The following WARS2 variants were observed in gnomAD, a reference collection of about 807,000 sequenced individuals.
WARS2 encodes the protein tryptophan--tRNA ligase, mitochondrial.
In WARS2, 28 loss-of-function variants were observed where a neutral mutation model predicts 36.5. The ratio of observed to expected loss-of-function variants is 0.77; its 90% CI spans 0.57 to 1.05. WARS2 has a LOEUF of 1.05. Ranked by LOEUF, WARS2 falls within the 50% of genes least tolerant of loss-of-function variation. The pLI, the probability that WARS2 is intolerant of heterozygous loss-of-function variation, is 0.00. For synonymous variants in WARS2, 174 were observed against 178.4 expected, an observed-to-expected ratio of 0.98 and a Z score of 0.20; for missense variants, 435 against 456.8, an observed-to-expected ratio of 0.95 and a Z score of 0.44.
At chr1:119,064,799 T>C (rs1433703919) in intron 2 of WARS2, 1 of 152,486 alleles carries the variant, frequency 6.6e-6, no homozygotes, top group East Asian at 1.9e-4. Context: ...CTCGGGTATA[T>C]CTTTAACAGC....
At chr1:119,089,274 T>G (rs1652880080) in intron 1 of WARS2, among the ~76,000 whole-genome samples, 1 of 152,186 alleles carries the variant, frequency 6.6e-6, no homozygotes, top group Non-Finnish European at 1.5e-5. Context: ...GCTCCCTTTC[T>G]CATCCAACCT....
chr1:119,043,927 T>C (rs1648578235), intron 3 of WARS2, among the ~76,000 whole-genome samples: 1 of 152,216 alleles, frequency 6.6e-6, no homozygotes, highest in African/African-American at 2.4e-5. Flanking sequence ...ATTCCACCTT[T>C]TGCTGTCCCA....
chr1:119,100,726 T>C (rs1653794266), intron 1 of WARS2, among the ~76,000 whole-genome samples: 1 of 152,210 alleles, frequency 6.6e-6, no homozygotes, highest in South Asian at 2.1e-4. Flanking sequence ...AGTGGCCTGA[T>C]CTCGGCTCAC....
At chr1:119,082,319 C>T (rs1188202685) in intron 1 of WARS2, 6 of 985,288 alleles carry the variant, frequency 6.1e-6, no homozygotes, top group African/African-American at 1.7e-5. Flanking sequence ...CATCTATTTT[C>T]CTTACACGTG....
chr1:119,125,799 G>A (rs900967046), intron 1 of WARS2, among the ~76,000 whole-genome samples: 9 of 152,164 alleles, frequency 5.9e-5, no homozygotes, highest in African/African-American at 2.2e-4. Flanking sequence ...GTCAAATTCT[G>A]TTCTCCAAGA....
intron 1 of WARS2, among the ~76,000 whole-genome samples, chr1:119,117,400 T>A (rs1173251627): frequency 2.6e-5 from 4 of 152,160 alleles, no homozygotes; most frequent in Non-Finnish European, 5.9e-5. Flanking sequence ...GCCCTGCCCA[T>A]CACCTGAGAA....
intron 2 of WARS2, among the ~76,000 whole-genome samples, chr1:119,069,168 T>C (rs1651111136): frequency 6.6e-6 from 1 of 152,148 alleles, no homozygotes; most frequent in Non-Finnish European, 1.5e-5. Context: ...CCTTTATAAT[T>C]TAGCTGTAAG....
rs139048638 is a variant in WARS2, at chr1:119,081,275, G to A, written c.91-4668C>T. On this transcript the variant is annotated intron_variant, in intron 1 of 5. Transcript: ENST00000235521. The stretch of plus-strand genomic sequence containing the variant: ...GAAAATTCCCAAGTTATTAATTATG[G>A]CAAAAGAATTTTTGTGATTAGGAGA... Among the ~76,000 whole-genome samples the A allele has an allele frequency of 7.8e-3, 1,192 of 152,232 alleles. 13 individuals carry two copies. Among genetic ancestry groups the A allele is most frequent in the African/African-American group, 0.027 (1,134 of 41,528 alleles).
chr1:119,052,742 C>T (rs1649469243), intron 2 of WARS2, among the ~76,000 whole-genome samples: 1 of 152,114 alleles, frequency 6.6e-6, no homozygotes, highest in South Asian at 2.1e-4. Flanking sequence ...AACAGACAGC[C>T]CCCAAATTTA....
rs1647414715 is a variant in WARS2, at chr1:119,031,384, C to T, written c.*1527G>A. 1 of 152,150 alleles carries T rather than the reference C, an allele frequency of 6.6e-6. No individual in the cohort carries two copies. The highest frequency in any genetic ancestry group is 6.5e-5 in the Admixed American group (1 of 15,274). The allele number at this position is 152,150 out of a possible 1,614,324, so 9.4% of individuals were successfully genotyped here. On this transcript the variant is annotated 3_prime_UTR_variant, in exon 6 of 6. Transcript: ENST00000235521. Reference sequence around the variant, plus strand: ...TAAGATACAAAAGGCAAAATGTTTCCTTTACCCATGATCCAGGCTAGCTCC... The same window carrying T: ...TAAGATACAAAAGGCAAAATGTTTCTTTTACCCATGATCCAGGCTAGCTCC...
At chr1:119,122,260 G>A (rs1468934660) in intron 1 of WARS2, among the ~76,000 whole-genome samples, 1 of 152,110 alleles carries the variant, frequency 6.6e-6, no homozygotes, top group Non-Finnish European at 1.5e-5. Context: ...CTCAAAAGAA[G>A]ATATACAAAC....
chr1:119,110,006 C>T (rs1654520177), intron 1 of WARS2, among the ~76,000 whole-genome samples: 2 of 151,854 alleles, frequency 1.3e-5, no homozygotes, highest in African/African-American at 4.8e-5. Flanking sequence ...GTACAAATAC[C>T]TAGTAATAAC....
At chr1:119,039,407 A>G (rs960340031) in intron 4 of WARS2, among the ~76,000 whole-genome samples, 6 of 152,158 alleles carry the variant, frequency 3.9e-5, no homozygotes, top group Admixed American at 1.3e-4. Flanking sequence ...TATATAACAC[A>G]TATACATACA....
intron 1 of WARS2, among the ~76,000 whole-genome samples, chr1:119,106,849 G>C (rs765630853): frequency 1.3e-5 from 2 of 152,166 alleles, no homozygotes; most frequent in Non-Finnish European, 2.9e-5. Flanking sequence ...CAGATTGTAT[G>C]GTAAGAGTAT....
chr1:119,072,878 G>A (rs1021110440), intron 2 of WARS2, among the ~76,000 whole-genome samples: 1 of 152,106 alleles, frequency 6.6e-6, no homozygotes, highest in African/African-American at 2.4e-5. Context: ...ACATCAACCA[G>A]GCACAGTGGC....
chr1:119,036,514 C>T (rs1314276919), intron 4 of WARS2, among the ~76,000 whole-genome samples: 1 of 152,152 alleles, frequency 6.6e-6, no homozygotes, highest in East Asian at 1.9e-4. Flanking sequence ...CTTGACGCCC[C>T]CAAGCCAAAT....
chr1:119,082,152 A>G (rs925425125), intron 1 of WARS2, among the ~76,000 whole-genome samples: 8 of 152,340 alleles, frequency 5.3e-5, no homozygotes, highest in African/African-American at 1.9e-4. Context: ...AAAAGGAGTG[A>G]CTAACCAATT....
chr1:119,096,125 G>A (rs1049668133), intron 1 of WARS2, among the ~76,000 whole-genome samples: 7 of 152,098 alleles, frequency 4.6e-5, no homozygotes, highest in African/African-American at 1.7e-4. Flanking sequence ...TTAATTAAGA[G>A]AGCCTTTCCT....
intron 1 of WARS2, among the ~76,000 whole-genome samples, chr1:119,088,503 C>T (rs906898418): frequency 6.6e-6 from 1 of 151,802 alleles, no homozygotes; most frequent in Non-Finnish European, 1.5e-5. Flanking sequence ...AGTAAGTTCA[C>T]TTGCTAGTAA....
Sources: gnomAD v4.1 joint callset for allele counts (sites outside exome capture counted in the v4.1 genomes callset) on GRCh38, gnomAD v4.1.1 for gene constraint, MANE v1.5 for transcripts, NCBI Gene and HGNC (gene_info 2026-07-23, HGNC 2026-07-21) for gene names.